Variants in ZSWIM4 observed in about 807,000 individuals in gnomAD.
ZSWIM4 encodes zinc finger SWIM-type containing 4.
A neutral mutation model predicts 102.5 loss-of-function variants in ZSWIM4; 62 were observed. The ratio of observed to expected loss-of-function variants is 0.60; its 90% CI spans 0.49 to 0.75. The LOEUF is 0.75. ZSWIM4 is among the 30% of genes least tolerant of loss of function. The pLI is 0.00. For missense variants in ZSWIM4, 1,280 were observed against 1,529.6 expected, an observed-to-expected ratio of 0.84 and a Z score of 2.72; for synonymous variants, 652 against 674.5, an observed-to-expected ratio of 0.97 and a Z score of 0.52.
In ZSWIM4 at chr19:13,831,063, T is replaced by G; in HGVS notation, c.*13T>G. The G allele has an allele frequency of 6.4e-7, 1 of 1,552,582 alleles. No individual in the cohort carries two copies. Among genetic ancestry groups the G allele is most frequent in the Non-Finnish European group, 8.7e-7 (1 of 1,153,556 alleles). ...GCGTTTTGGTTGAGGGACAGTGGGG[T>G]GCGTGGGAGTGGGGATCCCCCTCGC... is the stretch of plus-strand genomic sequence containing the variant. On this transcript the variant is annotated 3_prime_UTR_variant, in exon 14 of 14. Coordinates refer to ENST00000590508, the MANE Select transcript of ZSWIM4 (RefSeq NM_001367834.3).
Position 13,825,736 on chromosome 19 carries a change from G to C in ZSWIM4, c.2379+23G>C, listed in dbSNP as rs774292774. 6 of 1,596,660 alleles carry C rather than the reference G, an allele frequency of 3.8e-6. No individual in the cohort carries two copies. The African/African-American group carries it at 8.0e-5, about 21-fold the overall frequency. On this transcript the variant is annotated intron_variant, in intron 12 of 13. Coordinates refer to ENST00000590508, the MANE Select transcript of ZSWIM4 (RefSeq NM_001367834.3). This position sits in a 1 kb window ranked among gnomAD's most constrained non-coding sequence, Gnocchi z 4.6. ...CAGGTGAGGGCTGCCAGGTGGATGCGGGAGGGCGATGGTGGCTCGGGGCCA... is the reference window on the plus strand; with the variant it reads ...CAGGTGAGGGCTGCCAGGTGGATGCCGGAGGGCGATGGTGGCTCGGGGCCA...
At position 13,805,106 on chromosome 19, in the gene ZSWIM4, G is replaced by A. The variant is rs1974883424; in HGVS notation, c.670G>A (p.Asp224Asn). Residue 224 changes from aspartate (D) to asparagine (N), a missense_variant, in exon 3 of 14, where the codon GAT becomes AAT. Asp to Asn is a conservative substitution (Grantham distance 23). Transcript: ENST00000590508. The stretch of plus-strand genomic sequence containing the variant: ...GCTGCCCACTGCTCAGCGCTTGGCT[G>A]ATGAGATCCTCCTGCTGGGCTCCGA... ...EVLPTAQRLA[D>N]EILLLGSEIN... The A allele has an allele frequency of 1.2e-6, 2 of 1,602,510 alleles. No homozygotes were observed. Among genetic ancestry groups the A allele is most frequent in the Non-Finnish European group, 1.7e-6 (2 of 1,179,816 alleles).
chr19:13,826,549 G>A (rs1413811154), intron 12 of ZSWIM4, among the ~76,000 whole-genome samples: 2 of 151,968 alleles, frequency 1.3e-5, no homozygotes, highest in African/African-American at 4.8e-5. Flanking sequence ...GGCAGATCAC[G>A]AGGCCAGGAG....
At chr19:13,812,890 G>A (rs572143978) in intron 5 of ZSWIM4, 107 bp from the exon 6 acceptor site, 369 of 1,259,450 alleles carry the variant, frequency 2.9e-4, no homozygotes, top group Non-Finnish European at 3.8e-4. Context: ...TCCGAGGGTC[G>A]AGGTGAGGGG....
intron 7 of ZSWIM4, among the ~76,000 whole-genome samples, chr19:13,815,672 A>G (rs1412953068): frequency 1.3e-5 from 2 of 150,298 alleles, no homozygotes; most frequent in African/African-American, 4.9e-5. Flanking sequence ...GGGTTTCACT[A>G]TGTTGGCCAG....
At chr19:13,817,156 C>G (rs1975311988) in intron 7 of ZSWIM4, 60 bp from the exon 8 acceptor site, 1 of 1,544,726 alleles carries the variant, frequency 6.5e-7, no homozygotes, top group Non-Finnish European at 8.8e-7. Flanking sequence ...GAGGAATATC[C>G]CTCCCTCCTA....
chr19:13,812,436 G>A (rs1975124776), intron 5 of ZSWIM4, among the ~76,000 whole-genome samples: 2 of 150,984 alleles, frequency 1.3e-5, no homozygotes, highest in Admixed American at 1.3e-4. Flanking sequence ...TAGGACTACA[G>A]AGGCCCGGGA....
chr19:13,809,250 C>T lies in ZSWIM4; in HGVS notation c.1012+30C>T, dbSNP rs1330817613. Reference sequence around the variant, plus strand: ...GGCCCAAACCCCGGTGCGTGGTGGACACCGGGACTTCGGCTCCCATGGGGG... The same window carrying T: ...GGCCCAAACCCCGGTGCGTGGTGGATACCGGGACTTCGGCTCCCATGGGGG... On this transcript the variant is annotated intron_variant, in intron 5 of 13. Transcript: ENST00000590508. This position sits in a 1 kb window ranked among gnomAD's most constrained non-coding sequence, Gnocchi z 4.2. The T allele has an allele frequency of 1.9e-6, 3 of 1,569,364 alleles. No individual in the cohort carries two copies. The highest frequency in any genetic ancestry group is 4.5e-5 in the East Asian group (2 of 44,218).
At chr19:13,800,760 A>G (rs10422908) in intron 2 of ZSWIM4, among the ~76,000 whole-genome samples, 67,904 of 151,838 alleles carry the variant, frequency 0.45, 18,489 homozygotes, top group African/African-American at 0.78. Context: ...CCCAGGCAGC[A>G]GGGTTTAGAC....
chr19:13,828,748 T>G (rs376746784), intron 13 of ZSWIM4, 22 bp downstream of exon 13: 52 of 1,609,688 alleles, frequency 3.2e-5, no homozygotes, highest in Non-Finnish European at 4.0e-5. Context: ...TAAGGGGACC[T>G]GCCACCCACT....
rs796695064 is a variant in ZSWIM4, at chr19:13,823,888, CA to C, written c.2215+393del. On this transcript the variant is annotated intron_variant, in intron 11 of 13. Coordinates refer to ENST00000590508, the MANE Select transcript of ZSWIM4 (RefSeq NM_001367834.3). Reference sequence around the variant, plus strand: ...ACCAGAGACTGCGTGACTTCAACAACAAAAATTTATTTTCTCACATTTCTGT... The same window carrying C: ...ACCAGAGACTGCGTGACTTCAACAACAAAATTTATTTTCTCACATTTCTGT... Among the ~76,000 whole-genome samples, 7 of 152,306 alleles carry C rather than the reference CA, an allele frequency of 4.6e-5. 1 individual carries two copies. Among genetic ancestry groups the C allele is most frequent in the African/African-American group, 1.7e-4 (7 of 41,582 alleles).
intron 5 of ZSWIM4, among the ~76,000 whole-genome samples, 154 bp from the exon 6 acceptor site, chr19:13,812,843 G>A (rs184990846): frequency 6.6e-6 from 1 of 152,170 alleles, no homozygotes; most frequent in East Asian, 1.9e-4. Context: ...GCCTCAGTTT[G>A]CTTGTCTGTA....
intron 2 of ZSWIM4, among the ~76,000 whole-genome samples, chr19:13,804,436 C>T (rs1599584264): frequency 6.6e-6 from 1 of 151,902 alleles, no homozygotes; most frequent in South Asian, 2.1e-4. Context: ...CACCATTGCA[C>T]TCCTGCCTGG....
intron 5 of ZSWIM4, among the ~76,000 whole-genome samples, chr19:13,811,826 G>T (rs2145306832): frequency 6.6e-6 from 1 of 152,188 alleles, no homozygotes; most frequent in East Asian, 1.9e-4. Flanking sequence ...CTTAATTCCA[G>T]CAGTTTGGGA....
At chr19:13,800,826 C>T (rs1974751320) in intron 2 of ZSWIM4, among the ~76,000 whole-genome samples, 2 of 152,094 alleles carry the variant, frequency 1.3e-5, no homozygotes, top group African/African-American at 4.8e-5. Context: ...GATCCCAGAA[C>T]TTACACATCA....
In ZSWIM4 at chr19:13,817,211, T is replaced by A; in HGVS notation, c.1532-5T>A. 6.2e-7 allele frequency: 1 copy of A among 1,609,948 alleles called. No individual in the cohort carries two copies. Among genetic ancestry groups the A allele is most frequent in the Non-Finnish European group, 8.5e-7 (1 of 1,177,036 alleles). ...GGGCATTGAGCCCCCTCTTTCCACC[T>A]GCAGAGCTGCTCCAGAAGGGCTCCA... On this transcript the variant is annotated splice_polypyrimidine_tract_variant and splice_region_variant and intron_variant, in intron 7 of 13. Transcript: ENST00000590508.
intron 7 of ZSWIM4, 119 bp from the exon 8 acceptor site, chr19:13,817,097 T>C: frequency 5.1e-6 from 7 of 1,370,670 alleles, no homozygotes; most frequent in Admixed American, 2.3e-5. Flanking sequence ...GACCATTGGG[T>C]GAGCAGGTGG....
chr19:13,822,511 C>T (rs557508738), intron 10 of ZSWIM4, among the ~76,000 whole-genome samples: 1 of 152,272 alleles, frequency 6.6e-6, no homozygotes, highest in South Asian at 2.1e-4. Flanking sequence ...TTGTCTGTGG[C>T]TTTTCTGGCA....
At chr19:13,812,132 G>A (rs1032914293) in intron 5 of ZSWIM4, among the ~76,000 whole-genome samples, 3 of 152,106 alleles carry the variant, frequency 2.0e-5, no homozygotes, top group African/African-American at 7.2e-5. Context: ...ATCTTAGCGT[G>A]CAGGCTAATC....
Sources: allele counts gnomAD v4.1 joint callset (sites outside exome capture counted in the v4.1 genomes callset), GRCh38; gene constraint gnomAD v4.1.1; non-coding constraint Gnocchi (gnomAD v3.1); transcripts MANE v1.5; gene names NCBI Gene and HGNC (gene_info 2026-07-23, HGNC 2026-07-21).